NFATC2: variants seen among roughly 807,000 people sequenced by gnomAD.
The protein encoded by NFATC2 is nuclear factor of activated T cells 2, also known as nuclear factor of activated T-cells, cytoplasmic 2.
NFATC2 carries 22 observed loss-of-function variants against 87.3 expected under a neutral mutation model. That is an observed-to-expected ratio of 0.25 (90% confidence interval 0.18 to 0.36). The LOEUF is 0.36. NFATC2 is among the 10% of genes least tolerant of loss of function. The pLI, the probability that NFATC2 is intolerant of heterozygous loss-of-function variation, is 1.00. For synonymous variants in NFATC2, 565 were observed against 542.2 expected (o/e 1.04, Z -0.58); for missense variants, 1,149 against 1,259.1 (o/e 0.91, Z 1.32).
At chr20:51,512,077 T>C (rs6096453) in intron 3 of NFATC2, among the ~76,000 whole-genome samples, 115,960 of 152,060 alleles carry the variant, frequency 0.76, 44,373 homozygotes, top group Middle Eastern at 0.81. Context: ...CTCCCCCGAC[T>C]AAGAGAGACA....
chr20:51,426,587 T>G (rs1981866278), intron 9 of NFATC2, among the ~76,000 whole-genome samples: 1 of 152,164 alleles, frequency 6.6e-6, no homozygotes, highest in African/African-American at 2.4e-5. Flanking sequence ...GGAGGAACTG[T>G]GACTGTCTCA....
At chr20:51,396,699 C>G (rs941190468) in intron 10 of NFATC2, among the ~76,000 whole-genome samples, 1 of 152,156 alleles carries the variant, frequency 6.6e-6, no homozygotes, top group South Asian at 2.1e-4. Flanking sequence ...CAAGGCACCA[C>G]CCCCCAGTCA....
chr20:51,439,737 C>A (rs1296000131), intron 6 of NFATC2, among the ~76,000 whole-genome samples: 4 of 152,218 alleles, frequency 2.6e-5, no homozygotes, highest in Non-Finnish European at 5.9e-5. Context: ...CAGTGCTCTG[C>A]CATTTTACTC....
At chr20:51,487,152 T>C (rs936039159) in intron 3 of NFATC2, among the ~76,000 whole-genome samples, 1 of 152,158 alleles carries the variant, frequency 6.6e-6, no homozygotes, top group Non-Finnish European at 1.5e-5. Flanking sequence ...GTATCTACTA[T>C]CTGCAGAGGC....
In NFATC2 at chr20:51,523,549, C is replaced by G; in HGVS notation, c.692G>C (p.Cys231Ser). The change falls in exon 2 of 11, where the codon TGC becomes TCC. Residue 231 changes from cysteine (C) to serine (S), a missense_variant. Coordinates refer to ENST00000371564, the MANE Select transcript of NFATC2 (RefSeq NM_012340.5). This position sits in a 1 kb window ranked among gnomAD's most constrained non-coding sequence, Gnocchi z 6.9. ...SPRTSLAEDS[C>S]LGRHSPVPRP... ...GGGCACGGGCGAGTGGCGGCCCAGG[C>G]AGCTGTCCTCGGCGAGGCTGGTTCG... 6.2e-7 allele frequency: 1 copy of G among 1,613,722 alleles called. No individual in the cohort carries two copies. The highest frequency in any genetic ancestry group is 8.5e-7 in the Non-Finnish European group (1 of 1,179,786).
intron 1 of NFATC2, among the ~76,000 whole-genome samples, chr20:51,557,728 G>GA (rs2076990427): frequency 6.6e-6 from 1 of 152,170 alleles, no homozygotes; most frequent in Non-Finnish European, 1.5e-5. Flanking sequence ...ACAAGCCACA[G>GA]AACTTCTCCT....
chr20:51,517,103 T>TG lies in NFATC2; in HGVS notation c.1161-149dup, dbSNP rs2076363829. 4.7e-6 allele frequency: 4 copies of TG among 845,994 alleles called. No individual in the cohort carries two copies. The South Asian group carries it at 7.1e-5, about 15-fold the overall frequency. The allele number at this position is 845,994 out of a possible 1,614,324, so 52.4% of individuals were successfully genotyped here. The stretch of plus-strand genomic sequence containing the variant: ...ATACGTTCCGGGAAATGCACCATTA[T>TG]GTGAACATCAGAGTGCACTTACACA... On this transcript the variant is annotated intron_variant, in intron 2 of 10. Transcript: ENST00000371564.
intron 1 of NFATC2, among the ~76,000 whole-genome samples, chr20:51,540,671 T>TTTTTTTA (rs2076802617): frequency 6.7e-6 from 1 of 148,684 alleles, no homozygotes; most frequent in Non-Finnish European, 1.5e-5. Context: ...TTTTTTTTTT[T>TTTTTTTA]GAGAAAACAG....
At chr20:51,550,747 A>T (rs2076926251) in intron 1 of NFATC2, among the ~76,000 whole-genome samples, 1 of 152,168 alleles carries the variant, frequency 6.6e-6, no homozygotes, top group Non-Finnish European at 1.5e-5. Flanking sequence ...CAACACAAAG[A>T]CTACTTTATA....
intron 5 of NFATC2, among the ~76,000 whole-genome samples, chr20:51,456,064 GTGGGTGGATGGA>G (rs1986494364): frequency 7.9e-6 from 1 of 126,330 alleles, no homozygotes; most frequent in East Asian, 2.5e-4. Flanking sequence ...GGATGGGTGG[GTGGGTGGATGGA>G]TGGGTGGAAG....
Position 51,562,600 on chromosome 20 carries a change from C to G in NFATC2, c.30G>C (p.Gly10=). 1 of 1,551,306 alleles carries G rather than the reference C, an allele frequency of 6.4e-7. No individual in the cohort carries two copies. The highest frequency in any genetic ancestry group is 8.7e-7 in the Non-Finnish European group (1 of 1,146,692). Residue 10 remains glycine, a synonymous_variant, in exon 1 of 11, where the codon GGG becomes GGC. Transcript: ENST00000414705. The surrounding 1 kb of genome is among the most constrained non-coding windows in gnomAD (Gnocchi z 5.8). ...CCATGATGCGGAGGGGATGGCAGTG[C>G]CCCAGTCTGAACGCAGCCTCTCTCT...
At chr20:51,392,542 G>A (rs1986478183) in intron 10 of NFATC2, among the ~76,000 whole-genome samples, 1 of 152,042 alleles carries the variant, frequency 6.6e-6, no homozygotes, top group African/African-American at 2.4e-5. Context: ...CATCCATGAG[G>A]CATGCTCCCT....
At chr20:51,554,687 G>C (rs1474506700) in intron 1 of NFATC2, among the ~76,000 whole-genome samples, 1 of 152,118 alleles carries the variant, frequency 6.6e-6, no homozygotes, top group East Asian at 1.9e-4. Context: ...AGCAGGTTGT[G>C]GTGTGACTTG....
rs577349632 is a variant in NFATC2, at chr20:51,421,133, GTAATGAATA to G, written c.2722+10925_2722+10933del. On this transcript the variant is annotated intron_variant, in intron 9 of 10. Transcript: ENST00000371564. ...CAAACCCCCAAAACAAAATTACCAG[GTAATGAATA>G]TAACAGGATGAAGGTGTAGAAGAAA... 3.7e-4 allele frequency among the ~76,000 whole-genome samples: 56 copies of G among 151,934 alleles called. 1 individual carries two copies. In the South Asian group the frequency reaches 0.011, roughly 29 times the overall value.
intron 3 of NFATC2, among the ~76,000 whole-genome samples, chr20:51,487,378 C>G (rs1989801190): frequency 6.6e-6 from 1 of 152,222 alleles, no homozygotes; most frequent in Non-Finnish European, 1.5e-5. Flanking sequence ...AGAGCTAATG[C>G]ATGCAGGGCT....
chr20:51,528,446 G>A (rs1197663828), intron 1 of NFATC2, among the ~76,000 whole-genome samples: 1 of 152,026 alleles, frequency 6.6e-6, no homozygotes, highest in African/African-American at 2.4e-5. Context: ...GATGTATACA[G>A]ATTACACCTG....
chr20:51,467,037 A>C (rs193091397), intron 5 of NFATC2, among the ~76,000 whole-genome samples: 1 of 145,166 alleles, frequency 6.9e-6, no homozygotes, highest in East Asian at 2.0e-4. Flanking sequence ...GCGCCATTGC[A>C]CTCCAGCCTG....
intron 3 of NFATC2, among the ~76,000 whole-genome samples, chr20:51,500,657 CT>C (rs1449577585): frequency 5.5e-4 from 58 of 105,386 alleles, no homozygotes; most frequent in African/African-American, 2.0e-3. Flanking sequence ...CCACCCCCCC[CT>C]CCACCCCCAC....
rs914866849 is a variant in NFATC2, at chr20:51,402,870, A to G, written c.2723-4140T>C. Among the ~76,000 whole-genome samples the G allele has an allele frequency of 5.9e-5, 9 of 152,290 alleles. No individual in the cohort carries two copies. In the East Asian group the frequency reaches 1.7e-3, roughly 29 times the overall value. On this transcript the variant is annotated intron_variant, in intron 9 of 10. Coordinates refer to ENST00000371564, the MANE Select transcript of NFATC2 (RefSeq NM_012340.5). ...AAACCCCTGGCCTGGCTTCATAAAG[A>G]TATTTCTTCAAATACCAACATGGCC... is the stretch of plus-strand genomic sequence containing the variant.
Sources: allele counts gnomAD v4.1 joint callset (sites outside exome capture counted in the v4.1 genomes callset), GRCh38; gene constraint gnomAD v4.1.1; non-coding constraint Gnocchi (gnomAD v3.1); transcripts MANE v1.5; gene names NCBI Gene and HGNC (gene_info 2026-07-23, HGNC 2026-07-21).